Variants in ARHGEF11 observed in about 807,000 individuals in gnomAD.
The protein encoded by ARHGEF11 is Rho guanine exchange factor (GEF) 11.
ARHGEF11 carries 55 observed loss-of-function variants against 193.7 expected under a neutral mutation model. That is an observed-to-expected ratio of 0.28 (90% CI 0.23 to 0.36). The LOEUF (loss-of-function observed/expected upper bound fraction) is 0.36, where lower values mean the gene tolerates loss of function less well. Among genes scored for constraint, ARHGEF11 ranks in the 10% least tolerant of loss-of-function variants. ARHGEF11 has a pLI of 1.00. For missense variants in ARHGEF11, 1,723 were observed against 2,005.6 expected, an observed-to-expected ratio of 0.86 and a Z score of 2.69; for synonymous variants, 693 against 768.0, an observed-to-expected ratio of 0.90 and a Z score of 1.62.
rs1462011507 is a variant in ARHGEF11 at position 156,986,177 on chromosome 1, GAGA to G, written c.33-7_33-5del. ...CAGAGAAGACAGGCTACTTAACCTG[GAGA>G]AGGAGTAAGGAAAGCATGTCAATGA... is the stretch of plus-strand genomic sequence containing the variant. On this transcript the variant is annotated splice_polypyrimidine_tract_variant and splice_region_variant and intron_variant, in intron 1 of 40. Transcript: ENST00000368194. 2.7e-5 allele frequency: 43 copies of G among 1,612,328 alleles called. No individual in the cohort carries two copies. The highest frequency in any genetic ancestry group is 3.6e-5 in the Non-Finnish European group (43 of 1,178,718).
chr1:156,937,063 G>T, intron 39 of ARHGEF11, 58 bp from the exon 40 acceptor site: 1 of 1,590,220 alleles, frequency 6.3e-7, no homozygotes, highest in Admixed American at 1.7e-5. Context: ...AGGCCCCTGG[G>T]GAAGGGGTCT....
At chr1:157,041,744 T>C (rs181337270) in intron 1 of ARHGEF11, among the ~76,000 whole-genome samples, 149 of 152,300 alleles carry the variant, frequency 9.8e-4, no homozygotes, top group Admixed American at 5.6e-3. Flanking sequence ...GCACACAGGA[T>C]TTCATACAGG....
chr1:156,956,288 T>C, intron 19 of ARHGEF11, 132 bp downstream of exon 19: 1 of 935,442 alleles, frequency 1.1e-6, no homozygotes, highest in Non-Finnish European at 1.6e-6. Flanking sequence ...GACTAATTTT[T>C]GTATTTTAAT....
rs139355036 is a variant in ARHGEF11 at position 156,935,045 on chromosome 1, G to T, written c.*955C>A. The T allele has an allele frequency of 0.035, 5,245 of 151,978 alleles. 151 individuals are homozygous for T. The highest frequency in any genetic ancestry group is 0.1 in the South Asian group (486 of 4,788). The allele number at this position is 151,978 out of a possible 1,614,324, so 9.4% of individuals were successfully genotyped here. On this transcript the variant is annotated 3_prime_UTR_variant, in exon 41 of 41. Coordinates refer to ENST00000368194, the MANE Select transcript of ARHGEF11 (RefSeq NM_198236.3). ...ATCAGGGAGAGTTGGGTGAGGACGT[G>T]GTGATGGGGCCAATGCTGCGGTGGC...
intron 1 of ARHGEF11, among the ~76,000 whole-genome samples, chr1:157,007,284 T>G (rs1571466943): frequency 6.6e-6 from 1 of 151,734 alleles, no homozygotes; most frequent in Non-Finnish European, 1.5e-5. Flanking sequence ...GGATAGATGG[T>G]TATATGGAAA....
rs183340268 is a variant in ARHGEF11, at chr1:156,955,413, G to A, written c.1768+290C>T. Among the ~76,000 whole-genome samples, 144 of 152,318 alleles carry A rather than the reference G, an allele frequency of 9.5e-4. No homozygotes were observed. In the Middle Eastern group the frequency reaches 0.017, roughly 18 times the overall value. On this transcript the variant is annotated intron_variant, in intron 20 of 40. Coordinates refer to ENST00000368194, the MANE Select transcript of ARHGEF11 (RefSeq NM_198236.3). ...AGGGGGCATTTTCTGTCCACAGGGCGATCCTTGCCGAGGGGAAATGTTTCT... is the reference window on the plus strand; with the variant it reads ...AGGGGGCATTTTCTGTCCACAGGGCAATCCTTGCCGAGGGGAAATGTTTCT...
Position 156,937,387 on chromosome 1 carries a change from T to C in ARHGEF11, c.4302A>G (p.Thr1434=). 6.2e-7 allele frequency: 1 copy of C among 1,605,992 alleles called. No individual in the cohort carries two copies. The highest frequency in any genetic ancestry group is 1.7e-4 in the Middle Eastern group (1 of 6,010). Residue 1434 remains threonine, a synonymous_variant, in exon 39 of 41, where the codon ACA becomes ACG. Coordinates refer to ENST00000368194, the MANE Select transcript of ARHGEF11 (RefSeq NM_198236.3). ...PQPDSLPAGQ[T]EPQPQLQGGN... ...CTCCCTGCAGCTGAGGCTGAGGCTCTGTCTGCCCTGCAGGGAGGCTGTCAG... is the reference window on the plus strand; with the variant it reads ...CTCCCTGCAGCTGAGGCTGAGGCTCCGTCTGCCCTGCAGGGAGGCTGTCAG...
chr1:156,944,888 G>C (rs986133596), intron 30 of ARHGEF11, 131 bp downstream of exon 30: 17 of 1,225,934 alleles, frequency 1.4e-5, no homozygotes, highest in Non-Finnish European at 1.8e-5. Context: ...GTGTCTTCTG[G>C]GGCTCCATTG....
At position 156,938,570 on chromosome 1, in the gene ARHGEF11, A is replaced by C. The variant is rs1240671436; in HGVS notation, c.4097-57T>G. On this transcript the variant is annotated intron_variant, in intron 37 of 40. Transcript: ENST00000368194. The stretch of plus-strand genomic sequence containing the variant: ...AGAGACCAAAACACAAGGAAAGGGA[A>C]GGGAGAGAGAACAGGAAGGAGAGAG... 6 of 1,550,862 alleles carry C rather than the reference A, an allele frequency of 3.9e-6. No homozygotes were observed. In the African/African-American group the frequency reaches 4.1e-5, roughly 11 times the overall value.
At chr1:156,939,397 A>G in intron 37 of ARHGEF11, 151 bp downstream of exon 37, 3 of 1,036,370 alleles carry the variant, frequency 2.9e-6, no homozygotes, top group Admixed American at 4.6e-5. Flanking sequence ...CCTGCCTGAT[A>G]TCGGCGTTGT....
At chr1:157,013,548 C>T (rs1668831979) in intron 1 of ARHGEF11, among the ~76,000 whole-genome samples, 1 of 152,156 alleles carries the variant, frequency 6.6e-6, no homozygotes, top group East Asian at 1.9e-4. Context: ...GGTATTCTCC[C>T]TCCCTCTATT....
intron 1 of ARHGEF11, among the ~76,000 whole-genome samples, chr1:157,025,569 C>T (rs899969392): frequency 9.9e-5 from 15 of 152,158 alleles, no homozygotes; most frequent in Non-Finnish European, 1.8e-4. Flanking sequence ...AATCTTTCTG[C>T]CCTAGCCAAT....
chr1:156,995,783 A>C (rs945173546), intron 1 of ARHGEF11, among the ~76,000 whole-genome samples: 2 of 149,290 alleles, frequency 1.3e-5, no homozygotes, highest in African/African-American at 2.5e-5. Context: ...GGCACAAGGG[A>C]TCCTCAGCCT....
At chr1:156,940,035 G>A (rs1656464485) in intron 36 of ARHGEF11, 125 bp from the exon 37 acceptor site, 1 of 1,476,356 alleles carries the variant, frequency 6.8e-7, no homozygotes, top group Non-Finnish European at 9.0e-7. Context: ...GAGGGCTCTG[G>A]CCAACTAGCT....
At chr1:157,015,047 G>A (rs1369064344) in intron 1 of ARHGEF11, among the ~76,000 whole-genome samples, 1 of 152,096 alleles carries the variant, frequency 6.6e-6, no homozygotes, top group Non-Finnish European at 1.5e-5. Flanking sequence ...CCACACCTCT[G>A]TCCTCCTCTC....
At chr1:156,978,134 C>T (rs1663529423) in intron 6 of ARHGEF11, 70 bp downstream of exon 6, 1 of 1,590,788 alleles carries the variant, frequency 6.3e-7, no homozygotes, top group Non-Finnish European at 8.6e-7. Flanking sequence ...ATTTAACTTG[C>T]TTTCCTCCCC....
In ARHGEF11 at chr1:156,936,831, G is replaced by GC. The variant is rs770799611; in HGVS notation, c.4614dup (p.Pro1539AlafsTer4). 8.7e-6 allele frequency: 14 copies of GC among 1,613,814 alleles called. No homozygotes were observed. Among genetic ancestry groups the GC allele is most frequent in the Non-Finnish European group, 1.2e-5 (14 of 1,179,934 alleles). ...CTTCACTCACCATCCTCAGGGCAGG[G>GC]CCCCAGTTCATGGCTGTTCCTGGAG... On this transcript the variant is annotated frameshift_variant, in exon 40 of 41. Transcript: ENST00000368194. LOFTEE classifies it low-confidence loss of function (END_TRUNC).
intron 37 of ARHGEF11, 142 bp from the exon 38 acceptor site, chr1:156,938,655 T>C: frequency 1.5e-6 from 1 of 663,038 alleles, no homozygotes; most frequent in Non-Finnish European, 2.6e-6. Context: ...CACAAGATCA[T>C]ACACGATGAC....
At chr1:156,958,665 G>A (rs755588870) in intron 17 of ARHGEF11, 77 bp downstream of exon 17, 6 of 1,589,484 alleles carry the variant, frequency 3.8e-6, no homozygotes, top group Non-Finnish European at 5.2e-6. Flanking sequence ...AGGGGGAGAG[G>A]TTGAAAGAAC....
Sources: gnomAD v4.1 joint callset for allele counts (sites outside exome capture counted in the v4.1 genomes callset) on GRCh38, gnomAD v4.1.1 for gene constraint, MANE v1.5 for transcripts, NCBI Gene and HGNC (gene_info 2026-07-23, HGNC 2026-07-21) for gene names.